LIX1: variants seen among roughly 807,000 people sequenced by gnomAD.
The protein encoded by LIX1 is limb and CNS expressed 1, also known as protein limb expression 1 homolog.
LIX1 carries 24 observed loss-of-function variants against 33.4 expected under a neutral mutation model. That is an observed-to-expected ratio of 0.72 (90% CI 0.52 to 1.01). The LOEUF is 1.01. Among genes scored for constraint, LIX1 ranks in the 50% least tolerant of loss-of-function variants. The pLI is 0.00. For synonymous variants in LIX1, 124 were observed against 124.0 expected, an observed-to-expected ratio of 1.00 and a Z score of 0.00; for missense variants, 311 against 339.2, an observed-to-expected ratio of 0.92 and a Z score of 0.65.
At chr5:97,116,125 G>A (rs1747629503) in intron 2 of LIX1, among the ~76,000 whole-genome samples, 2 of 152,136 alleles carry the variant, frequency 1.3e-5, no homozygotes, top group African/African-American at 4.8e-5. Flanking sequence ...CAACACCTCG[G>A]TTTCATCCTG....
chr5:97,112,078 A>G (rs1265964692), intron 2 of LIX1, among the ~76,000 whole-genome samples: 1 of 152,238 alleles, frequency 6.6e-6, no homozygotes, highest in Non-Finnish European at 1.5e-5. Context: ...AAAGACAAGT[A>G]CTTCAAAATG....
intron 1 of LIX1, among the ~76,000 whole-genome samples, chr5:97,140,273 A>T (rs570593061): frequency 1.1e-4 from 17 of 152,092 alleles, no homozygotes; most frequent in Non-Finnish European, 2.2e-4. Context: ...CTTTTGTTCA[A>T]CTGGGCTGGG....
At chr5:97,136,620 G>A (rs1051127255) in intron 1 of LIX1, among the ~76,000 whole-genome samples, 1 of 152,136 alleles carries the variant, frequency 6.6e-6, no homozygotes. Flanking sequence ...AGCCACATGA[G>A]GGAAATGTAA....
At chr5:97,142,249 TG>T (rs1294815061) in intron 1 of LIX1, among the ~76,000 whole-genome samples, 2 of 152,196 alleles carry the variant, frequency 1.3e-5, no homozygotes, top group African/African-American at 4.8e-5. Flanking sequence ...AGGCAGGTCT[TG>T]GATTGTAGAA....
At chr5:97,119,570 T>C (rs928899751) in intron 2 of LIX1, among the ~76,000 whole-genome samples, 3 of 152,172 alleles carry the variant, frequency 2.0e-5, no homozygotes, top group African/African-American at 7.2e-5. Flanking sequence ...AAAACATACT[T>C]GATTCAGGAA....
rs930964841 is a variant in LIX1 at position 97,141,676 on chromosome 5, C to T, written c.82+819G>A. ...TTGAAGTTAAAAAAAATTCCATATG[C>T]ATTTTACCTTTTGGGCAGTTCTATT... is the stretch of plus-strand genomic sequence containing the variant. On this transcript the variant is annotated intron_variant, in intron 1 of 5. Coordinates refer to ENST00000274382, the MANE Select transcript of LIX1 (RefSeq NM_153234.5). Among the ~76,000 whole-genome samples, 7 of 152,120 alleles carry T rather than the reference C, an allele frequency of 4.6e-5. No individual in the cohort carries two copies. In the East Asian group the frequency reaches 1.3e-3, roughly 29 times the overall value.
chr5:97,105,938 G>A (rs967427492), intron 3 of LIX1, among the ~76,000 whole-genome samples: 6 of 152,210 alleles, frequency 3.9e-5, no homozygotes, highest in East Asian at 1.9e-4. Context: ...TCCTATGGAC[G>A]CGGATTCCCG....
At position 97,124,563 on chromosome 5, in the gene LIX1, C is replaced by T; in HGVS notation, c.149G>A (p.Ser50Asn). ...SKQQQKAAFP[S>N]EGVVVYESLP... The stretch of plus-strand genomic sequence containing the variant: ...TGACTCATAGACCACCACACCTTCA[C>T]TTGGGAATGCAGCCTTCTGCTGCTG... Residue 50 changes from serine to asparagine, a missense_variant, in exon 2 of 6, where the codon AGT becomes AAT. Ser to Asn is a conservative substitution (Grantham distance 46). Coordinates refer to ENST00000274382, the MANE Select transcript of LIX1 (RefSeq NM_153234.5). 1 of 1,611,822 alleles carries T rather than the reference C, an allele frequency of 6.2e-7. No individual in the cohort carries two copies. The highest frequency in any genetic ancestry group is 2.2e-5 in the East Asian group (1 of 44,766).
chr5:97,125,415 T>C (rs568317620), intron 1 of LIX1, among the ~76,000 whole-genome samples: 1 of 152,356 alleles, frequency 6.6e-6, no homozygotes, highest in South Asian at 2.1e-4. Flanking sequence ...TTATAGGTCA[T>C]GTAGGCAAAG....
chr5:97,110,760 A>G lies in LIX1; in HGVS notation c.247-3260T>C, dbSNP rs533573374. On this transcript the variant is annotated intron_variant, in intron 2 of 5. Coordinates refer to ENST00000274382, the MANE Select transcript of LIX1 (RefSeq NM_153234.5). Reference sequence around the variant, plus strand: ...TGCTGGGCCCAAAGAGTGATTTTCTATATAGCTGTTGAATGAAGAATGGAG... The same window carrying G: ...TGCTGGGCCCAAAGAGTGATTTTCTGTATAGCTGTTGAATGAAGAATGGAG... Among the ~76,000 whole-genome samples the G allele has an allele frequency of 2.6e-5, 4 of 152,282 alleles. No homozygotes were observed. The South Asian group carries it at 6.2e-4, about 24-fold the overall frequency.
intron 1 of LIX1, among the ~76,000 whole-genome samples, chr5:97,132,508 C>A (rs1748078319): frequency 6.6e-6 from 1 of 151,950 alleles, no homozygotes; most frequent in Admixed American, 6.6e-5. Flanking sequence ...AATGATACTC[C>A]CATTGAGGAA....
chr5:97,133,145 T>C (rs990290936), intron 1 of LIX1, among the ~76,000 whole-genome samples: 1 of 152,236 alleles, frequency 6.6e-6, no homozygotes, highest in South Asian at 2.1e-4. Flanking sequence ...AGAAGAGTCC[T>C]CAAATACAGG....
intron 1 of LIX1, among the ~76,000 whole-genome samples, chr5:97,127,850 G>A (rs992682028): frequency 6.6e-6 from 1 of 152,180 alleles, no homozygotes; most frequent in Non-Finnish European, 1.5e-5. Flanking sequence ...CCATCCCTAT[G>A]TCTAGGGACC....
intron 4 of LIX1, among the ~76,000 whole-genome samples, chr5:97,101,534 G>C (rs972379174): frequency 1.3e-5 from 2 of 152,188 alleles, no homozygotes; most frequent in African/African-American, 4.8e-5. Flanking sequence ...ATAGAACGAA[G>C]AATCAAGCTG....
chr5:97,131,030 G>A (rs1402441324), intron 1 of LIX1, among the ~76,000 whole-genome samples: 2 of 152,176 alleles, frequency 1.3e-5, no homozygotes, highest in East Asian at 3.9e-4. Flanking sequence ...AGATCCCCAA[G>A]CAAGTCTCTT....
intron 1 of LIX1, among the ~76,000 whole-genome samples, chr5:97,126,215 C>T (rs1426968430): frequency 1.3e-5 from 2 of 152,314 alleles, no homozygotes; most frequent in African/African-American, 4.8e-5. Flanking sequence ...GCATCTATGC[C>T]CTTTGCCATT....
chr5:97,094,890 C>T lies in LIX1; in HGVS notation c.707G>A (p.Arg236Lys), dbSNP rs747907996. 2.5e-6 allele frequency: 4 copies of T among 1,614,082 alleles called. No homozygotes were observed. Among genetic ancestry groups the T allele is most frequent in the Non-Finnish European group, 3.4e-6 (4 of 1,180,056 alleles). Residue 236 changes from arginine (R) to lysine (K), a missense_variant, in exon 6 of 6, where the codon AGG (arginine) becomes AAG (lysine). Transcript: ENST00000274382. ...AAACCGTAGTTCTTGTCCTGCTTTC[C>T]TGGCTTCCTCCAACTGCCTCAGGGC... ...RMALRQLEEA[R>K]KAGQELRFYK...
intron 2 of LIX1, among the ~76,000 whole-genome samples, chr5:97,113,903 A>G (rs1302006806): frequency 2.0e-5 from 3 of 152,204 alleles, no homozygotes; most frequent in Non-Finnish European, 2.9e-5. Context: ...AAGATACAGT[A>G]CACTGTGGGG....
intron 1 of LIX1, among the ~76,000 whole-genome samples, chr5:97,133,617 A>C (rs1358367349): frequency 6.6e-6 from 1 of 152,246 alleles, no homozygotes; most frequent in East Asian, 1.9e-4. Flanking sequence ...ATAGGTGCAG[A>C]GTTCAGGGAT....
Sources: gnomAD v4.1 joint callset for allele counts (sites outside exome capture counted in the v4.1 genomes callset) on GRCh38, gnomAD v4.1.1 for gene constraint, MANE v1.5 for transcripts, NCBI Gene and HGNC (gene_info 2026-07-23, HGNC 2026-07-21) for gene names.